Variants in DCC observed in about 807,000 individuals in gnomAD.
DCC encodes the protein DCC netrin 1 receptor.
In DCC, 58 loss-of-function variants were observed where a neutral mutation model predicts 172.5. That is an observed-to-expected ratio of 0.34 (90% CI 0.27 to 0.42). The LOEUF (loss-of-function observed/expected upper bound fraction) is 0.42. DCC is among the 10% of genes least tolerant of loss of function. The pLI is 1.00. For synonymous variants in DCC, 709 were observed against 644.5 expected, an observed-to-expected ratio of 1.10 and a Z score of -1.52; for missense variants, 1,740 against 1,791.0, an observed-to-expected ratio of 0.97 and a Z score of 0.51.
At chr18:53,239,267 A>G (rs190757768) in intron 12 of DCC, among the ~76,000 whole-genome samples, 2 of 151,714 alleles carry the variant, frequency 1.3e-5, no homozygotes, top group Admixed American at 6.6e-5. Flanking sequence ...ACTGTTCTCC[A>G]TTTTATAGTT....
chr18:52,665,349 A>G (rs1384641798), intron 1 of DCC, among the ~76,000 whole-genome samples: 1 of 152,224 alleles, frequency 6.6e-6, no homozygotes, highest in Non-Finnish European at 1.5e-5. Context: ...TGCTTTGGAA[A>G]TGCTATTTGT....
intron 2 of DCC, among the ~76,000 whole-genome samples, chr18:52,841,553 G>A (rs2038807597): frequency 6.6e-6 from 1 of 152,154 alleles, no homozygotes; most frequent in Admixed American, 6.5e-5. Flanking sequence ...AAGTGACAAT[G>A]AACTGGGATG....
At chr18:53,054,402 G>A (rs2042375889) in intron 5 of DCC, among the ~76,000 whole-genome samples, 2 of 152,002 alleles carry the variant, frequency 1.3e-5, no homozygotes, top group South Asian at 4.1e-4. Flanking sequence ...AAGCTTAATT[G>A]TTGGAGAGTT....
At chr18:52,917,137 C>CAAAAAAAAAAAAAAAAAGAAAAA (rs146388621) in intron 3 of DCC, among the ~76,000 whole-genome samples, 14 of 94,656 alleles carry the variant, frequency 1.5e-4, no homozygotes, top group South Asian at 3.4e-4. Context: ...AAAAAGAAAA[C>CAAAAAAAAAAAAAAAAAGAAAAA]AAAAAAAAAA....
chr18:53,066,573 A>G (rs1280040893), intron 7 of DCC, among the ~76,000 whole-genome samples: 2 of 150,830 alleles, frequency 1.3e-5, no homozygotes, highest in African/African-American at 2.4e-5. Flanking sequence ...TAAATATAAA[A>G]TATATAATAT....
intron 1 of DCC, among the ~76,000 whole-genome samples, chr18:52,486,278 G>A (rs1443336370): frequency 6.6e-6 from 1 of 152,062 alleles, no homozygotes; most frequent in Non-Finnish European, 1.5e-5. Context: ...CCTGGCCAGC[G>A]TTTAGAAACA....
chr18:52,962,863 C>A (rs1014543191), intron 5 of DCC, among the ~76,000 whole-genome samples: 3 of 148,614 alleles, frequency 2.0e-5, no homozygotes, highest in Admixed American at 6.9e-5. Context: ...GGACAAAAAA[C>A]CAAACACTGC....
intron 7 of DCC, among the ~76,000 whole-genome samples, chr18:53,152,475 T>C (rs1459622010): frequency 6.6e-6 from 1 of 152,184 alleles, no homozygotes; most frequent in Admixed American, 6.5e-5. Flanking sequence ...CAAAATATTA[T>C]TTTTTGGCTT....
At chr18:53,216,291 G>C (rs940759069) in intron 12 of DCC, among the ~76,000 whole-genome samples, 12 of 152,128 alleles carry the variant, frequency 7.9e-5, no homozygotes, top group African/African-American at 2.9e-4. Flanking sequence ...GGATTCACCT[G>C]GTTTGACCCT....
intron 15 of DCC, among the ~76,000 whole-genome samples, chr18:53,384,041 T>C (rs1907963346): frequency 6.6e-6 from 1 of 152,164 alleles, no homozygotes; most frequent in African/African-American, 2.4e-5. Context: ...AAATAAAATA[T>C]CTTTCCTTTA....
intron 22 of DCC, among the ~76,000 whole-genome samples, chr18:53,439,763 A>ATTTTTATTTT (rs1912149119): frequency 8.9e-6 from 1 of 112,500 alleles, no homozygotes. Flanking sequence ...ATGTAGTAGT[A>ATTTTTATTTT]TTTTTCTTTT....
chr18:52,534,780 G>A (rs2032243296), intron 1 of DCC, among the ~76,000 whole-genome samples: 1 of 152,070 alleles, frequency 6.6e-6, no homozygotes, highest in Non-Finnish European at 1.5e-5. Context: ...TTTTACATAA[G>A]TGAACTATTA....
intron 5 of DCC, among the ~76,000 whole-genome samples, chr18:53,033,572 A>G (rs1568258230): frequency 1.3e-5 from 2 of 152,076 alleles, no homozygotes; most frequent in African/African-American, 4.8e-5. Flanking sequence ...CTCTCTATCA[A>G]TGCACACTGG....
chr18:53,058,365 A>T (rs1289681205), intron 5 of DCC, among the ~76,000 whole-genome samples: 3 of 152,152 alleles, frequency 2.0e-5, no homozygotes, highest in Non-Finnish European at 2.9e-5. Flanking sequence ...TATTCTGTGG[A>T]CATTGAAAGC....
chr18:53,419,223 C>T (rs566643742), intron 21 of DCC, among the ~76,000 whole-genome samples: 98 of 152,226 alleles, frequency 6.4e-4, no homozygotes, highest in African/African-American at 1.4e-3. Flanking sequence ...TACAAGCATA[C>T]AGTGTGAAAT....
intron 2 of DCC, among the ~76,000 whole-genome samples, chr18:52,795,695 T>TA (rs1446402200): frequency 6.6e-6 from 1 of 152,004 alleles, no homozygotes; most frequent in African/African-American, 2.4e-5. Flanking sequence ...ATAGGTTGTG[T>TA]ATTTGAAATC....
At chr18:52,568,873 A>G (rs895292991) in intron 1 of DCC, among the ~76,000 whole-genome samples, 1 of 152,194 alleles carries the variant, frequency 6.6e-6, no homozygotes, top group African/African-American at 2.4e-5. Flanking sequence ...AAATTATTCC[A>G]ATTTATTACA....
chr18:52,793,149 A>G (rs2037808768), intron 2 of DCC, among the ~76,000 whole-genome samples: 1 of 152,134 alleles, frequency 6.6e-6, no homozygotes, highest in Non-Finnish European at 1.5e-5. Context: ...ATCACATATG[A>G]TGTTTACATA....
intron 23 of DCC, among the ~76,000 whole-genome samples, chr18:53,457,818 T>A (rs1476577240): frequency 2.0e-5 from 3 of 152,206 alleles, no homozygotes; most frequent in Non-Finnish European, 2.9e-5. Context: ...GGTAGTGTTA[T>A]TTTTTCTCTG....
Sources: allele counts gnomAD v4.1 joint callset (sites outside exome capture counted in the v4.1 genomes callset), GRCh38; gene constraint gnomAD v4.1.1; transcripts MANE v1.5; gene names NCBI Gene and HGNC (gene_info 2026-07-23, HGNC 2026-07-21).